The following FRMPD4 variants were observed in gnomAD, a reference collection of about 807,000 sequenced individuals.
FRMPD4 encodes the protein FERM and PDZ domain-containing protein 4.
In FRMPD4, 22 loss-of-function variants were observed where a neutral mutation model predicts 94.1. That is an observed-to-expected ratio of 0.23 (90% CI 0.17 to 0.33). The LOEUF (loss-of-function observed/expected upper bound fraction) is 0.33, where lower values mean the gene tolerates loss of function less well. FRMPD4 is among the 10% of genes least tolerant of loss of function. The pLI is 1.00. For synonymous variants in FRMPD4, 631 were observed against 548.6 expected (o/e 1.15, Z -2.10); for missense variants, 1,111 against 1,339.9 (o/e 0.83, Z 2.67).
intron 3 of FRMPD4, among the ~76,000 whole-genome samples, chrX:11,888,561 A>G (rs1310612240): frequency 1.8e-5 from 2 of 111,779 alleles, no homozygotes; most frequent in Admixed American, 1.9e-4. Context: ...GAACACCATG[A>G]CTCAACCATT....
At chrX:11,893,769 C>A (rs2053887652) in intron 3 of FRMPD4, among the ~76,000 whole-genome samples, 1 of 111,430 alleles carries the variant, frequency 9.0e-6, no homozygotes. Context: ...CAACTACCAT[C>A]CAAGGATTCC....
chrX:12,084,823 A>G (rs1013409548), intron 3 of FRMPD4, among the ~76,000 whole-genome samples: 57 of 112,383 alleles, frequency 5.1e-4, no homozygotes, highest in African/African-American at 1.7e-3. Flanking sequence ...TTGATGGCAC[A>G]TGGATTTGGA....
chrX:12,216,551 A>G (rs912259827), intron 1 of FRMPD4, among the ~76,000 whole-genome samples: 3 of 111,606 alleles, frequency 2.7e-5, no homozygotes, highest in African/African-American at 9.8e-5. Flanking sequence ...AGAATGGAAT[A>G]TCTATTGGTG....
At chrX:12,180,095 A>G (rs2056341499) in intron 1 of FRMPD4, among the ~76,000 whole-genome samples, 1 of 111,103 alleles carries the variant, frequency 9.0e-6, no homozygotes, top group Non-Finnish European at 1.9e-5. Context: ...CTTAGAGAGA[A>G]TGGAGACTTC....
chrX:12,461,002 ACT>A lies in FRMPD4; in HGVS notation c.42-37671_42-37670del, dbSNP rs1322732822. On this transcript the variant is annotated intron_variant, in intron 1 of 16. Coordinates refer to ENST00000675598, the MANE Select transcript of FRMPD4 (RefSeq NM_001368397.1). The stretch of plus-strand genomic sequence containing the variant: ...CTTCATATTGTTTGTGTATGAAAAT[ACT>A]CTCTCTTATACAAAATAATAGTTAT... Among the ~76,000 whole-genome samples the A allele has an allele frequency of 9.3e-3, 1,042 of 111,769 alleles. 10 individuals carry two copies. The highest frequency in any genetic ancestry group is 0.033 in the African/African-American group (1,006 of 30,810).
Position 12,627,658 on chromosome X carries a change from A to T in FRMPD4, c.422+12777A>T, listed in dbSNP as rs761479356. ...TAATAAGAAAAATGACTTCACCCAG[A>T]TTATCTTAATGTCCTTAGATTTTGT... On this transcript the variant is annotated intron_variant, in intron 4 of 16. Transcript: ENST00000675598. 2.7e-5 allele frequency among the ~76,000 whole-genome samples: 3 copies of T among 112,210 alleles called. No homozygotes were observed. In the South Asian group the frequency reaches 1.1e-3, roughly 41 times the overall value.
At chrX:12,313,136 A>G (rs2147911071) in intron 1 of FRMPD4, among the ~76,000 whole-genome samples, 1 of 112,417 alleles carries the variant, frequency 8.9e-6, no homozygotes, top group Non-Finnish European at 1.9e-5. Context: ...GAAAGACACT[A>G]GAGTTCATCC....
chrX:12,646,997 CAGGATAA>C (rs2059553727), intron 4 of FRMPD4, among the ~76,000 whole-genome samples: 1 of 111,781 alleles, frequency 8.9e-6, no homozygotes, highest in Non-Finnish European at 1.9e-5. Flanking sequence ...CTTCTGGCTC[CAGGATAA>C]CGTTATACAT....
intron 3 of FRMPD4, among the ~76,000 whole-genome samples, chrX:11,908,335 G>A (rs759334274): frequency 1.8e-5 from 2 of 111,801 alleles, no homozygotes; most frequent in Non-Finnish European, 3.8e-5. Flanking sequence ...AATTAGCCAA[G>A]GATATATGTA....
At chrX:12,531,854 T>G (rs2058288950) in intron 2 of FRMPD4, among the ~76,000 whole-genome samples, 1 of 111,784 alleles carries the variant, frequency 8.9e-6, no homozygotes, top group South Asian at 3.8e-4. Context: ...AGATCCCTAA[T>G]GAAGCTGTCA....
intron 4 of FRMPD4, among the ~76,000 whole-genome samples, chrX:12,633,496 C>T (rs774877027): frequency 1.8e-5 from 2 of 111,863 alleles, no homozygotes; most frequent in South Asian, 7.6e-4. Flanking sequence ...CTTGTATGAC[C>T]TGGGCGAGGG....
rs202171499 is a variant in FRMPD4 at position 12,284,812 on chromosome X, T to G, written c.41+145800T>G. On this transcript the variant is annotated intron_variant, in intron 1 of 16. Coordinates refer to ENST00000675598, the MANE Select transcript of FRMPD4 (RefSeq NM_001368397.1). ...CTTAAATGCAACTCAGGGAAGGACC[T>G]CACTAGACAGCCTGTTTTCTAATTC... Among the ~76,000 whole-genome samples the G allele has an allele frequency of 7.1e-5, 8 of 112,126 alleles. No individual in the cohort carries two copies. The East Asian group carries it at 2.3e-3, about 32-fold the overall frequency.
At chrX:12,717,425 G>C in intron 15 of FRMPD4, 76 bp from the exon 16 acceptor site, 1 of 669,110 alleles carries the variant, frequency 1.5e-6, no homozygotes, top group Non-Finnish European at 2.3e-6. Context: ...TAGTAATAAC[G>C]AGTCCCATTT....
intron 3 of FRMPD4, among the ~76,000 whole-genome samples, chrX:11,900,662 A>G (rs1004756088): frequency 4.5e-5 from 5 of 110,885 alleles, no homozygotes; most frequent in Non-Finnish European, 9.5e-5. Flanking sequence ...CAAGGCAAAG[A>G]CACACTCTTA....
chrX:12,353,025 C>T (rs1159892543), intron 1 of FRMPD4, among the ~76,000 whole-genome samples: 1 of 111,686 alleles, frequency 9.0e-6, no homozygotes, highest in Non-Finnish European at 1.9e-5. Context: ...ATATTCTGAC[C>T]AGACTGAGAA....
In FRMPD4 at chrX:11,955,658, C is replaced by T. The variant is rs770661115; in HGVS notation, c.95+77640C>T. ...TCGGGAGGCTGAGGCAGGAGAATGG[C>T]GTGAACCCAGGAGGCAGAGCTTGCA... On this transcript the variant is annotated intron_variant, in intron 3 of 18. Coordinates refer to the FRMPD4 transcript ENST00000640291. Among the ~76,000 whole-genome samples the T allele has an allele frequency of 6.6e-5, 7 of 106,306 alleles. No individual in the cohort carries two copies. In the East Asian group the frequency reaches 1.8e-3, roughly 27 times the overall value. 92.3% of individuals were successfully genotyped at this position (106,306 alleles called of 115,157 possible).
At chrX:12,267,774 T>G (rs1002313767) in intron 1 of FRMPD4, among the ~76,000 whole-genome samples, 2 of 112,670 alleles carry the variant, frequency 1.8e-5, no homozygotes, top group African/African-American at 3.2e-5. Flanking sequence ...ACCAGCCTGC[T>G]GGGTTTCCTC....
intron 2 of FRMPD4, among the ~76,000 whole-genome samples, chrX:12,585,801 CATT>C (rs2058922955): frequency 9.0e-6 from 1 of 111,725 alleles, no homozygotes; most frequent in Non-Finnish European, 1.9e-5. Context: ...ATTTTGATGA[CATT>C]AATACCAAAA....
Position 12,312,694 on chromosome X carries a change from C to A in FRMPD4, c.41+173682C>A, listed in dbSNP as rs776573048. Among the ~76,000 whole-genome samples, 10 of 111,946 alleles carry A rather than the reference C, an allele frequency of 8.9e-5. No individual in the cohort carries two copies. In the South Asian group the frequency reaches 3.7e-3, roughly 42 times the overall value. On this transcript the variant is annotated intron_variant, in intron 1 of 16. Transcript: ENST00000675598. ...TGGAAACTGAATGCCCTTGTTTATGCATTCCTTTTTTCTTTCTGGAAGACA... is the reference window on the plus strand; with the variant it reads ...TGGAAACTGAATGCCCTTGTTTATGAATTCCTTTTTTCTTTCTGGAAGACA...
Sources: allele counts gnomAD v4.1 joint callset (sites outside exome capture counted in the v4.1 genomes callset), GRCh38; gene constraint gnomAD v4.1.1; transcripts MANE v1.5; gene names NCBI Gene and HGNC (gene_info 2026-07-23, HGNC 2026-07-21).